Variants in SPECC1 observed in about 807,000 individuals in gnomAD.
SPECC1 encodes the protein sperm antigen with calponin homology and coiled-coil domains 1, also known as cytospin-B.
Under a neutral mutation model 104.1 loss-of-function variants are expected in SPECC1, and 62 were observed. The observed-to-expected ratio is 0.60, with a 90% CI of 0.49 to 0.74. The LOEUF (loss-of-function observed/expected upper bound fraction) is 0.74. Among genes scored for constraint, SPECC1 ranks in the 30% least tolerant of loss-of-function variants. The pLI is 0.00. For synonymous variants in SPECC1, 513 were observed against 501.6 expected (o/e 1.02, Z -0.30); for missense variants, 1,306 against 1,310.5 (o/e 1.00, Z 0.05).
At chr17:20,113,413 T>C (rs1293906486) in intron 3 of SPECC1, among the ~76,000 whole-genome samples, 3 of 152,192 alleles carry the variant, frequency 2.0e-5, no homozygotes, top group Non-Finnish European at 2.9e-5. Flanking sequence ...AGTATGGATA[T>C]TTAAATTGTA....
intron 1 of SPECC1, 66 bp from the exon 2 acceptor site, chr17:20,096,565 G>A (rs1265974774): frequency 6.6e-7 from 1 of 1,520,212 alleles, no homozygotes; most frequent in Non-Finnish European, 8.9e-7. Flanking sequence ...GGGGTGTAAA[G>A]TGTGATGATG....
Position 20,315,953 on chromosome 17 carries a change from T to C in SPECC1, c.*1888T>C, listed in dbSNP as rs554059535. The C allele has an allele frequency of 5.6e-5, 13 of 232,734 alleles. No individual in the cohort carries two copies. In the South Asian group the frequency reaches 2.4e-3, roughly 42 times the overall value. 14.4% of individuals were successfully genotyped at this position (232,734 alleles called of 1,614,324 possible). A position where few individuals can be genotyped will look rare whatever the true frequency, so the allele number is the denominator to read the frequency against. ...CAGTTCACATGTTTTGTAAGTTCTT[T>C]AGGCGACTGAAGCACAGCTGCTTGG... On this transcript the variant is annotated 3_prime_UTR_variant, in exon 15 of 15. Transcript: ENST00000395527.
At chr17:20,077,731 T>C (rs1199642770) in intron 1 of SPECC1, among the ~76,000 whole-genome samples, 4 of 152,266 alleles carry the variant, frequency 2.6e-5, no homozygotes, top group East Asian at 3.9e-4. Context: ...CCTCCCAAAG[T>C]GCTGGGGTTA....
At chr17:20,183,191 G>A (rs1034560376) in intron 3 of SPECC1, among the ~76,000 whole-genome samples, 14 of 152,112 alleles carry the variant, frequency 9.2e-5, no homozygotes, top group Admixed American at 5.2e-4. Flanking sequence ...ATCACTTTTC[G>A]ACCTTCAAAA....
At position 20,315,194 on chromosome 17, in the gene SPECC1, C is replaced by T. The variant is rs114247640; in HGVS notation, c.*1129C>T. On this transcript the variant is annotated 3_prime_UTR_variant, in exon 15 of 15. Transcript: ENST00000395527. ...CTGACAGCAAATCCCAACAGTATTTCGGCTCTGGACTGATTTGGCCTTTAG... is the reference window on the plus strand; with the variant it reads ...CTGACAGCAAATCCCAACAGTATTTTGGCTCTGGACTGATTTGGCCTTTAG... 1,322 of 232,884 alleles carry T rather than the reference C, an allele frequency of 5.7e-3. 19 individuals are homozygous for T. The highest frequency in any genetic ancestry group is 0.027 in the African/African-American group (1,215 of 45,434). The allele number at this position is 232,884 out of a possible 1,614,324, so 14.4% of individuals were successfully genotyped here. A position where few individuals can be genotyped will look rare whatever the true frequency, so the allele number is the denominator to read the frequency against.
chr17:20,162,741 G>A (rs1278508626), intron 3 of SPECC1, among the ~76,000 whole-genome samples: 2 of 152,118 alleles, frequency 1.3e-5, no homozygotes, highest in African/African-American at 4.8e-5. Context: ...TAAAAGTGAA[G>A]ATGTGGCTGG....
intron 1 of SPECC1, among the ~76,000 whole-genome samples, chr17:20,019,427 A>C (rs534081276): frequency 2.7e-5 from 4 of 149,514 alleles, no homozygotes; most frequent in African/African-American, 1.0e-4. Context: ...ATTTGTATTA[A>C]GGTGAAACTG....
At position 20,204,939 on chromosome 17, in the gene SPECC1, T is replaced by C. The variant is rs776482523; in HGVS notation, c.890T>C (p.Ile297Thr). Residue 297 changes from isoleucine to threonine, a missense_variant, in exon 4 of 15, where the codon ATT becomes ACT. Physicochemically the swap from Ile to Thr is moderately conservative, Grantham distance 89. Transcript: ENST00000395527. ...ACTGGAAATCAGATGTCCAGTGACA[T>C]TGATGAGTATAAAAAAAACATACAT... ...SPTGNQMSSD[I>T]DEYKKNIHGN... The C allele has an allele frequency of 5.0e-6, 8 of 1,614,042 alleles. No individual in the cohort carries two copies. Among genetic ancestry groups the C allele is most frequent in the Non-Finnish European group, 6.8e-6 (8 of 1,180,006 alleles).
chr17:20,126,392 A>G (rs529861369), intron 3 of SPECC1: 5 of 152,218 alleles, frequency 3.3e-5, no homozygotes, highest in African/African-American at 1.2e-4. Context: ...ATTTTCTAAC[A>G]TATGGACTAT....
chr17:20,041,749 G>A (rs562958057), intron 1 of SPECC1, among the ~76,000 whole-genome samples: 2 of 146,766 alleles, frequency 1.4e-5, no homozygotes, highest in Non-Finnish European at 3.0e-5. Context: ...TCAGGCTCCC[G>A]AGTAGCTGGG....
intron 3 of SPECC1, among the ~76,000 whole-genome samples, chr17:20,123,214 C>A (rs765966903): frequency 1.3e-5 from 2 of 152,138 alleles, no homozygotes; most frequent in Non-Finnish European, 2.9e-5. Flanking sequence ...CATGGAAGTG[C>A]CCATTTAGAT....
At chr17:20,071,380 GTGTT>G (rs1452736991) in intron 1 of SPECC1, among the ~76,000 whole-genome samples, 1 of 123,096 alleles carries the variant, frequency 8.1e-6, no homozygotes, top group Non-Finnish European at 1.9e-5. Flanking sequence ...GTGTTTGTGT[GTGTT>G]TGTGTGTGTG....
At chr17:20,275,636 C>A (rs2040551603) in intron 12 of SPECC1, among the ~76,000 whole-genome samples, 2 of 152,302 alleles carry the variant, frequency 1.3e-5, no homozygotes, top group Middle Eastern at 3.4e-3. Flanking sequence ...AGAGTGAAGA[C>A]TTAACATTTT....
At chr17:20,087,822 G>A (rs1209541022) in intron 1 of SPECC1, among the ~76,000 whole-genome samples, 1 of 152,160 alleles carries the variant, frequency 6.6e-6, no homozygotes, top group African/African-American at 2.4e-5. Flanking sequence ...TTCATTTGGT[G>A]ATAAAGGCTC....
At chr17:20,221,451 G>C (rs2037869091) in intron 4 of SPECC1, among the ~76,000 whole-genome samples, 2 of 152,122 alleles carry the variant, frequency 1.3e-5, no homozygotes, top group Non-Finnish European at 2.9e-5. Flanking sequence ...TTGGCATATA[G>C]TTGCTCATAG....
intron 9 of SPECC1, among the ~76,000 whole-genome samples, chr17:20,251,226 A>AAAAAAAAAAAAAAAAAAAAAAAG (rs1453438065): frequency 6.9e-6 from 1 of 144,520 alleles, no homozygotes; most frequent in Non-Finnish European, 1.5e-5. Context: ...CTCTATCTCA[A>AAAAAAAAAAAAAAAAAAAAAAAG]AAAAAAAAAA....
intron 1 of SPECC1, among the ~76,000 whole-genome samples, chr17:20,047,296 C>G (rs1349838116): frequency 6.6e-6 from 1 of 152,154 alleles, no homozygotes; most frequent in East Asian, 1.9e-4. Context: ...AGGCAGCATT[C>G]TTTTGTCTTC....
chr17:20,285,725 G>T (rs998340525), intron 12 of SPECC1, among the ~76,000 whole-genome samples: 1 of 151,648 alleles, frequency 6.6e-6, no homozygotes, highest in East Asian at 1.9e-4. Flanking sequence ...GACAATCAGG[G>T]TCCTTCCCTC....
At chr17:20,215,108 G>A (rs997578919) in intron 4 of SPECC1, among the ~76,000 whole-genome samples, 8 of 152,206 alleles carry the variant, frequency 5.3e-5, no homozygotes, top group Non-Finnish European at 1.2e-4. Context: ...GCCCTTCCAG[G>A]CCAAGAGTCC....
Sources: gnomAD v4.1 joint callset for allele counts (sites outside exome capture counted in the v4.1 genomes callset) on GRCh38, gnomAD v4.1.1 for gene constraint, MANE v1.5 for transcripts, NCBI Gene and HGNC (gene_info 2026-07-23, HGNC 2026-07-21) for gene names.